The following SMPD3 variants were observed in gnomAD, a reference collection of about 807,000 sequenced individuals.
SMPD3 encodes nSMase-2.
SMPD3 carries 21 observed loss-of-function variants against 55.7 expected under a neutral mutation model. That is an observed-to-expected ratio of 0.38 (90% CI 0.27 to 0.54). The LOEUF is 0.54. Ranked by LOEUF, SMPD3 falls within the 20% of genes least tolerant of loss-of-function variation. SMPD3 has a pLI of 0.80. For synonymous variants in SMPD3, 457 were observed against 404.3 expected (o/e 1.13, Z -1.56); for missense variants, 842 against 899.6 (o/e 0.94, Z 0.82).
chr16:68,396,361 G>A (rs537531087), intron 1 of SMPD3, among the ~76,000 whole-genome samples: 39 of 152,256 alleles, frequency 2.6e-4, no homozygotes, highest in Non-Finnish European at 4.3e-4. Context: ...CCTCAGTCTC[G>A]TTTCTGCCCC....
chr16:68,408,138 A>G (rs1467101590), intron 1 of SMPD3, among the ~76,000 whole-genome samples: 1 of 152,234 alleles, frequency 6.6e-6, no homozygotes, highest in Non-Finnish European at 1.5e-5. Flanking sequence ...ATAATTAATT[A>G]CATAGCCCCA....
At chr16:68,365,732 C>T (rs901342290) in intron 3 of SMPD3, among the ~76,000 whole-genome samples, 7 of 152,196 alleles carry the variant, frequency 4.6e-5, no homozygotes, top group Non-Finnish European at 7.3e-5. Flanking sequence ...CCATCCTGAG[C>T]CCACTGTGGC....
intron 1 of SMPD3, among the ~76,000 whole-genome samples, chr16:68,432,283 G>A (rs1041652770): frequency 8.5e-5 from 13 of 152,156 alleles, no homozygotes; most frequent in Non-Finnish European, 1.5e-4. Flanking sequence ...TCTTTCCAGA[G>A]TGGTCTCATG....
intron 1 of SMPD3, among the ~76,000 whole-genome samples, chr16:68,444,767 G>A (rs1277529200): frequency 6.6e-6 from 1 of 152,202 alleles, no homozygotes; most frequent in East Asian, 1.9e-4. Flanking sequence ...GGATAAGCAG[G>A]TGGTTCAATT....
At chr16:68,402,050 C>T (rs2090211953) in intron 1 of SMPD3, among the ~76,000 whole-genome samples, 1 of 152,204 alleles carries the variant, frequency 6.6e-6, no homozygotes. Flanking sequence ...CAAGCTCCGA[C>T]TCTCCTTCAC....
At chr16:68,408,966 C>T (rs2090274219) in intron 1 of SMPD3, among the ~76,000 whole-genome samples, 1 of 152,152 alleles carries the variant, frequency 6.6e-6, no homozygotes, top group Admixed American at 6.5e-5. Flanking sequence ...CCCCACTCCC[C>T]ACCGCTATGG....
At position 68,389,510 on chromosome 16, in the gene SMPD3, T is replaced by C. The variant is rs1011603696; in HGVS notation, c.-268-2851A>G. 7.2e-5 allele frequency among the ~76,000 whole-genome samples: 11 copies of C among 152,206 alleles called. No individual in the cohort carries two copies. In the South Asian group the frequency reaches 1.4e-3, roughly 20 times the overall value. The stretch of plus-strand genomic sequence containing the variant: ...TCTCTCCAAGCCTCAGTTGCTGCCT[T>C]CTTAAAATGAGGATAACACTGACTT... On this transcript the variant is annotated intron_variant, in intron 1 of 8. Coordinates refer to ENST00000219334, the MANE Select transcript of SMPD3 (RefSeq NM_018667.4).
intron 1 of SMPD3, among the ~76,000 whole-genome samples, chr16:68,445,890 T>A (rs1029582755): frequency 1.3e-5 from 2 of 152,188 alleles, no homozygotes; most frequent in Admixed American, 6.5e-5. Flanking sequence ...GGGAGGGGCA[T>A]GCTTATCCTC....
intron 1 of SMPD3, among the ~76,000 whole-genome samples, chr16:68,400,661 G>A (rs144007812): frequency 1.0e-3 from 156 of 152,298 alleles, no homozygotes; most frequent in African/African-American, 3.7e-3. Context: ...ACACACAGAT[G>A]GGGGCATGTT....
In SMPD3 at chr16:68,365,004, G is replaced by A. The variant is rs780891935; in HGVS notation, c.1399+13C>T. ...CCATGCCTAGAAAAAACACAGGTGG[G>A]CGGCAACCCTACCTTGCGGGGCATG... On this transcript the variant is annotated intron_variant, in intron 4 of 8. Transcript: ENST00000219334. 1 of 1,614,114 alleles carries A rather than the reference G, an allele frequency of 6.2e-7. No homozygotes were observed. The highest frequency in any genetic ancestry group is 8.5e-7 in the Non-Finnish European group (1 of 1,180,012).
chr16:68,426,715 C>T (rs996882605), intron 1 of SMPD3, among the ~76,000 whole-genome samples: 5 of 152,212 alleles, frequency 3.3e-5, no homozygotes, highest in African/African-American at 1.2e-4. Context: ...TGTCACTGCA[C>T]TCATTTTCCA....
At chr16:68,384,763 A>G (rs2090021771) in intron 2 of SMPD3, among the ~76,000 whole-genome samples, 1 of 151,508 alleles carries the variant, frequency 6.6e-6, no homozygotes, top group Admixed American at 6.6e-5. Context: ...CCCCGCAAGC[A>G]CTCAGTATTT....
rs150601410 is a variant in SMPD3 at position 68,360,935 on chromosome 16, C to A, written c.*271G>T. 2 of 459,606 alleles carry A rather than the reference C, an allele frequency of 4.4e-6. No homozygotes were observed. The highest frequency in any genetic ancestry group is 7.8e-6 in the Non-Finnish European group (2 of 255,322). 28.5% of individuals were successfully genotyped at this position (459,606 alleles called of 1,614,324 possible). On this transcript the variant is annotated 3_prime_UTR_variant, in exon 9 of 9. Coordinates refer to ENST00000219334, the MANE Select transcript of SMPD3 (RefSeq NM_018667.4). ...CATACTAACCCACGGGTTACAAACT[C>A]GGTTGTGCTGTAGATTTGTAGAAAA... is the stretch of plus-strand genomic sequence containing the variant.
chr16:68,444,284 T>G (rs940256596), intron 1 of SMPD3, among the ~76,000 whole-genome samples: 4 of 152,204 alleles, frequency 2.6e-5, no homozygotes, highest in African/African-American at 9.7e-5. Flanking sequence ...GTGATCCAGC[T>G]GGCTGCCCCA....
intron 1 of SMPD3, among the ~76,000 whole-genome samples, chr16:68,446,780 G>A (rs1420723328): frequency 6.6e-6 from 1 of 152,188 alleles, no homozygotes; most frequent in Non-Finnish European, 1.5e-5. Flanking sequence ...CCTTGCTCAA[G>A]GTGGAGCCCC....
chr16:68,367,154 G>GA (rs1215285606), intron 3 of SMPD3, among the ~76,000 whole-genome samples: 1 of 152,194 alleles, frequency 6.6e-6, no homozygotes, highest in African/African-American at 2.4e-5. Flanking sequence ...CTGGGCGACA[G>GA]AATGAGACTG....
chr16:68,435,399 T>C (rs2152031907), intron 1 of SMPD3, among the ~76,000 whole-genome samples: 1 of 152,362 alleles, frequency 6.6e-6, no homozygotes, highest in Admixed American at 6.5e-5. Flanking sequence ...AACCAGGTAT[T>C]GCTCTAATAT....
intron 1 of SMPD3, among the ~76,000 whole-genome samples, chr16:68,432,868 G>C (rs954418565): frequency 6.6e-6 from 1 of 151,946 alleles, no homozygotes; most frequent in Non-Finnish European, 1.5e-5. Flanking sequence ...GCAGTGGTGC[G>C]ATTATGGCTC....
intron 1 of SMPD3, among the ~76,000 whole-genome samples, chr16:68,425,571 G>C (rs2090430037): frequency 6.6e-6 from 1 of 152,222 alleles, no homozygotes. Context: ...GCCAGAGTCA[G>C]AAGAAGGATG....
Sources: gnomAD v4.1 joint callset for allele counts (sites outside exome capture counted in the v4.1 genomes callset) on GRCh38, gnomAD v4.1.1 for gene constraint, MANE v1.5 for transcripts, NCBI Gene and HGNC (gene_info 2026-07-23, HGNC 2026-07-21) for gene names.